Variants in ABCC1 observed in about 807,000 individuals in gnomAD.
ABCC1 encodes ATP binding cassette subfamily C member 1 (ABCC1 blood group).
ABCC1 carries 83 observed loss-of-function variants against 172.9 expected under a neutral mutation model. The ratio of observed to expected loss-of-function variants is 0.48; its 90% CI spans 0.40 to 0.58. ABCC1 has a LOEUF of 0.58. Ranked by LOEUF, ABCC1 falls within the 20% of genes least tolerant of loss-of-function variation. The probability of loss-of-function intolerance (pLI) is 0.00; values close to 1 mark genes in which losing one functional copy is unlikely to be tolerated. For missense variants in ABCC1, 1,817 were observed against 2,002.7 expected (o/e 0.91, Z 1.77); for synonymous variants, 937 against 825.2 (o/e 1.14, Z -2.32).
chr16:16,100,094 A>G (rs76689546), intron 19 of ABCC1, among the ~76,000 whole-genome samples: 1 of 147,498 alleles, frequency 6.8e-6, no homozygotes, highest in East Asian at 2.0e-4. Flanking sequence ...CAAGACAAGG[A>G]AAAAAAAAAA....
At chr16:16,012,692 T>G in intron 3 of ABCC1, among the ~76,000 whole-genome samples, 1 of 138,166 alleles carries the variant, frequency 7.2e-6, no homozygotes, top group Non-Finnish European at 1.5e-5. Flanking sequence ...CCTGGTCTTT[T>G]TTTTTTTTCC....
intron 1 of ABCC1, among the ~76,000 whole-genome samples, chr16:15,957,652 G>A (rs1400411047): frequency 6.6e-6 from 1 of 152,200 alleles, no homozygotes; most frequent in African/African-American, 2.4e-5. Context: ...CTGGAGTGCA[G>A]TGGCACGATC....
chr16:15,964,320 C>A (rs983212528), intron 1 of ABCC1, among the ~76,000 whole-genome samples: 23 of 152,162 alleles, frequency 1.5e-4, no homozygotes, highest in African/African-American at 5.3e-4. Flanking sequence ...TGCCCTAAAT[C>A]TTCTCTCTCA....
At chr16:16,040,296 T>G (rs2048926566) in intron 7 of ABCC1, among the ~76,000 whole-genome samples, 1 of 151,890 alleles carries the variant, frequency 6.6e-6, no homozygotes, top group Non-Finnish European at 1.5e-5. Context: ...ATTTTATATT[T>G]GTTTTTTTGA....
intron 6 of ABCC1, among the ~76,000 whole-genome samples, chr16:16,035,783 C>A (rs1009663017): frequency 2.0e-5 from 3 of 151,766 alleles, no homozygotes; most frequent in Non-Finnish European, 4.4e-5. Flanking sequence ...ACATGAGCTA[C>A]CGTGCCTGGC....
intron 20 of ABCC1, among the ~76,000 whole-genome samples, chr16:16,104,406 C>A (rs764172762): frequency 2.0e-5 from 3 of 152,066 alleles, no homozygotes; most frequent in Non-Finnish European, 4.4e-5. Context: ...TACGTAAGTT[C>A]CCCACATCCC....
rs1194405805 is a variant in ABCC1 at position 15,950,862 on chromosome 16, C to T, written c.48+1063C>T. Among the ~76,000 whole-genome samples, 6 of 152,136 alleles carry T rather than the reference C, an allele frequency of 3.9e-5. 1 individual carries two copies. The South Asian group carries it at 1.0e-3, about 26-fold the overall frequency. The stretch of plus-strand genomic sequence containing the variant: ...TTGTCCTGTTTTGCCGGCCTTTCCT[C>T]GAGGGTTGCATTTGGAGTGTTGAAA... On this transcript the variant is annotated intron_variant, in intron 1 of 30. Coordinates refer to ENST00000399410, the MANE Select transcript of ABCC1 (RefSeq NM_004996.4).
chr16:16,134,631 T>G (rs1416747878), intron 28 of ABCC1, 123 bp downstream of exon 28: 8 of 680,690 alleles, frequency 1.2e-5, no homozygotes, highest in African/African-American at 5.8e-5. Context: ...CGTTCTTTTT[T>G]TTTTTTTTTT....
At chr16:16,081,745 C>T (rs544614684) in intron 16 of ABCC1, among the ~76,000 whole-genome samples, 7 of 152,124 alleles carry the variant, frequency 4.6e-5, no homozygotes, top group African/African-American at 7.2e-5. Context: ...TCTGGCTGGG[C>T]GCGGTGGCTC....
rs181937808 is a variant in ABCC1, at chr16:16,074,149, C to G, written c.1913-2177C>G. Among the ~76,000 whole-genome samples the G allele has an allele frequency of 3.3e-5, 5 of 152,226 alleles. No individual in the cohort carries two copies. The East Asian group carries it at 9.7e-4, about 29-fold the overall frequency. Reference sequence around the variant, plus strand: ...TTGTTCTTTGTGGTTGGGGACTGTCCTGTGCACTGTGGGATGTTGAGCAGC... The same window carrying G: ...TTGTTCTTTGTGGTTGGGGACTGTCGTGTGCACTGTGGGATGTTGAGCAGC... On this transcript the variant is annotated intron_variant, in intron 14 of 30. Coordinates refer to ENST00000399410, the MANE Select transcript of ABCC1 (RefSeq NM_004996.4).
rs74246623 is a variant in ABCC1 at position 15,963,636 on chromosome 16, T to G, written c.48+13837T>G. On this transcript the variant is annotated intron_variant, in intron 1 of 30. Transcript: ENST00000399410. ...CATGGAAGCTGCCGAGGCTTGGGGC[T>G]TGCACCCTCTGAAGGCACAGCCTGA... Among the ~76,000 whole-genome samples the G allele has an allele frequency of 2.6e-5, 4 of 152,220 alleles. No individual in the cohort carries two copies. In the East Asian group the frequency reaches 7.7e-4, roughly 29 times the overall value.
At chr16:15,998,203 C>T (rs570915303) in intron 1 of ABCC1, among the ~76,000 whole-genome samples, 2 of 152,112 alleles carry the variant, frequency 1.3e-5, no homozygotes, top group Non-Finnish European at 2.9e-5. Flanking sequence ...AAGCTCACTG[C>T]AGCCTCAAGC....
rs764139141 is a variant in ABCC1 at position 16,122,148 on chromosome 16, C to T, written c.3564C>T (p.Ala1188=). Reference sequence around the variant, plus strand: ...TGAAGGTGGACGAGAACCAGAAGGCCTATTACCCCAGCATCGTGGCCAACA... The same window carrying T: ...TGAAGGTGGACGAGAACCAGAAGGCTTATTACCCCAGCATCGTGGCCAACA... The part of the protein sequence containing the change: ...SDLKVDENQK[A]YYPSIVANRW... Residue 1188 remains alanine, a synonymous_variant, in exon 24 of 31, where the codon GCC becomes GCT. Coordinates refer to ENST00000399410, the MANE Select transcript of ABCC1 (RefSeq NM_004996.4). The T allele has an allele frequency of 1.5e-5, 24 of 1,614,158 alleles. No individual in the cohort carries two copies. The highest frequency in any genetic ancestry group is 1.9e-5 in the Non-Finnish European group (22 of 1,180,030).
chr16:16,090,358 T>C, intron 18 of ABCC1, 47 bp from the exon 19 acceptor site: 1 of 1,510,426 alleles, frequency 6.6e-7, no homozygotes, highest in Non-Finnish European at 8.9e-7. Context: ...AGCTAGGCAG[T>C]CTCACACATG....
chr16:16,083,288 G>A lies in ABCC1; in HGVS notation c.2116-78G>A. The A allele has an allele frequency of 4.9e-6, 7 of 1,420,462 alleles. No individual in the cohort carries two copies. The South Asian group carries it at 8.7e-5, about 18-fold the overall frequency. The allele number at this position is 1,420,462 out of a possible 1,614,324, so 88.0% of individuals were successfully genotyped here. On this transcript the variant is annotated intron_variant, in intron 16 of 30. Coordinates refer to ENST00000399410, the MANE Select transcript of ABCC1 (RefSeq NM_004996.4). ...TTGTGAAGTGAGGCCCTCCTAGCAG[G>A]CGGGTGGGCCAGCTGTTGTCTCGTT...
intron 1 of ABCC1, among the ~76,000 whole-genome samples, chr16:15,955,019 T>C (rs2045958323): frequency 6.6e-6 from 1 of 152,152 alleles, no homozygotes; most frequent in Non-Finnish European, 1.5e-5. Context: ...TTCCCCGACT[T>C]CCACTCTGGC....
rs569694736 is a variant in ABCC1 at position 15,969,398 on chromosome 16, GTTTC to G, written c.48+19601_48+19604del. On this transcript the variant is annotated intron_variant, in intron 1 of 30. Transcript: ENST00000399410. Reference sequence around the variant, plus strand: ...TTTTTTTTTTTTTCTTTTTAAGAGAGTTTCTGTCTTGTTGCCCAGACTGGAGTGC... The same window carrying G: ...TTTTTTTTTTTTTCTTTTTAAGAGAGTGTCTTGTTGCCCAGACTGGAGTGC... 2.3e-3 allele frequency among the ~76,000 whole-genome samples: 319 copies of G among 141,224 alleles called. 2 individuals are homozygous for G. Among genetic ancestry groups the G allele is most frequent in the Middle Eastern group, 7.7e-3 (2 of 260 alleles). 92.6% of individuals were successfully genotyped at this position (141,224 alleles called of 152,430 possible). A position where few individuals can be genotyped will look rare whatever the true frequency, so the allele number is the denominator to read the frequency against.
At chr16:15,986,896 C>T (rs145473183) in intron 1 of ABCC1, among the ~76,000 whole-genome samples, 19 of 152,184 alleles carry the variant, frequency 1.2e-4, no homozygotes, top group African/African-American at 3.4e-4. Flanking sequence ...GGAAGGAGGC[C>T]GGGTGCAGTG....
At chr16:16,132,724 G>C (rs988148580) in intron 27 of ABCC1, among the ~76,000 whole-genome samples, 4 of 151,124 alleles carry the variant, frequency 2.6e-5, no homozygotes, top group Middle Eastern at 3.2e-3. Context: ...GTTTTGCCAT[G>C]TTGGCCAGGG....
Sources: gnomAD v4.1 joint callset for allele counts (sites outside exome capture counted in the v4.1 genomes callset) on GRCh38, gnomAD v4.1.1 for gene constraint, MANE v1.5 for transcripts, NCBI Gene and HGNC (gene_info 2026-07-23, HGNC 2026-07-21) for gene names.